The following SIRT2 variants were observed in gnomAD, a reference collection of about 807,000 sequenced individuals.
SIRT2 encodes the protein sirtuin 2.
Under a neutral mutation model 57.4 loss-of-function variants are expected in SIRT2, and 40 were observed. The ratio of observed to expected loss-of-function variants is 0.70; its 90% CI spans 0.54 to 0.91. The LOEUF is 0.91. SIRT2 is among the 40% of genes least tolerant of loss of function. The pLI is 0.00. For missense variants in SIRT2, 439 were observed against 510.4 expected, an observed-to-expected ratio of 0.86 and a Z score of 1.35; for synonymous variants, 161 against 195.7, an observed-to-expected ratio of 0.82 and a Z score of 1.48.
intron 10 of SIRT2, 123 bp from the exon 11 acceptor site, chr19:38,881,278 C>G: frequency 8.6e-7 from 1 of 1,163,510 alleles, no homozygotes; most frequent in Non-Finnish European, 1.2e-6. Flanking sequence ...CGGCCAGGGG[C>G]ACAGACCCCA....
chr19:38,885,839 T>C (rs1307867199), intron 8 of SIRT2, among the ~76,000 whole-genome samples: 2 of 152,128 alleles, frequency 1.3e-5, no homozygotes, highest in African/African-American at 4.8e-5. Flanking sequence ...TCTGCCCACC[T>C]CAGCCTCCCA....
rs1371476601 is a variant in SIRT2 at position 38,883,486 on chromosome 19, G to A, written c.631+141C>T. ...CTGAACTCCCCGCGTGGGCGACAGAGTGAGACTCTGTCTCAAAAACAAACA... is the reference window on the plus strand; with the variant it reads ...CTGAACTCCCCGCGTGGGCGACAGAATGAGACTCTGTCTCAAAAACAAACA... On this transcript the variant is annotated intron_variant, in intron 9 of 15. Coordinates refer to ENST00000249396, the MANE Select transcript of SIRT2 (RefSeq NM_012237.4). 3 of 1,147,254 alleles carry A rather than the reference G, an allele frequency of 2.6e-6. No homozygotes were observed. In the Admixed American group the frequency reaches 6.3e-5, roughly 24 times the overall value. 71.1% of individuals were successfully genotyped at this position (1,147,254 alleles called of 1,614,324 possible). A position where few individuals can be genotyped will look rare whatever the true frequency, so the allele number is the denominator to read the frequency against.
At chr19:38,897,873 C>T (rs1973775109) in intron 2 of SIRT2, among the ~76,000 whole-genome samples, 1 of 151,976 alleles carries the variant, frequency 6.6e-6, no homozygotes, top group Non-Finnish European at 1.5e-5. Flanking sequence ...GGGTCTTGCT[C>T]TTTCACCCCG....
chr19:38,885,369 C>T (rs559013078), intron 8 of SIRT2, among the ~76,000 whole-genome samples: 186 of 151,860 alleles, frequency 1.2e-3, no homozygotes, highest in African/African-American at 4.2e-3. Flanking sequence ...CCTCCCAAAG[C>T]GTTGGGATTA....
chr19:38,894,517 C>T, intron 2 of SIRT2: 1 of 271,258 alleles, frequency 3.7e-6, no homozygotes, highest in Non-Finnish European at 7.3e-6. Flanking sequence ...CTGGCTGTTG[C>T]TGTTATTATC....
chr19:38,879,425 G>A lies in SIRT2; in HGVS notation c.1014+9C>T, dbSNP rs199774784. 3.3e-5 allele frequency: 52 copies of A among 1,589,946 alleles called. 1 individual carries two copies. Among genetic ancestry groups the A allele is most frequent in the South Asian group, 1.8e-4 (16 of 88,074 alleles). On this transcript the variant is annotated intron_variant, in intron 15 of 15. Coordinates refer to ENST00000249396, the MANE Select transcript of SIRT2 (RefSeq NM_012237.4). ...GCTCAGGACAGGCTGGGGTTGCTCA[G>A]CTCCTCACCTTCCATCCAAGGAGCT...
chr19:38,889,001 TG>T, intron 8 of SIRT2, 85 bp downstream of exon 8: 1 of 1,282,398 alleles, frequency 7.8e-7, no homozygotes, highest in Non-Finnish European at 1.1e-6. Context: ...CCTGAGCTCT[TG>T]GGCACGCAGC....
chr19:38,899,135 G>A (rs1259215753), intron 1 of SIRT2, among the ~76,000 whole-genome samples: 1 of 152,116 alleles, frequency 6.6e-6, no homozygotes, highest in Admixed American at 6.6e-5. Context: ...GGAACAAGGG[G>A]AAGCCATAGG....
chr19:38,891,493 G>A (rs865960881), intron 4 of SIRT2, among the ~76,000 whole-genome samples: 5 of 152,160 alleles, frequency 3.3e-5, no homozygotes, highest in African/African-American at 7.2e-5. Flanking sequence ...AGGTTGCAGT[G>A]AGCCATGATA....
At chr19:38,882,387 C>A (rs988028682) in intron 9 of SIRT2, among the ~76,000 whole-genome samples, 4 of 152,254 alleles carry the variant, frequency 2.6e-5, no homozygotes, top group African/African-American at 7.2e-5. Flanking sequence ...GTAATCCCAG[C>A]ACTTTGGGAG....
chr19:38,888,418 C>T (rs536156496), intron 8 of SIRT2, among the ~76,000 whole-genome samples: 65 of 152,246 alleles, frequency 4.3e-4, no homozygotes, highest in African/African-American at 1.2e-3. Flanking sequence ...AGCTATCTCT[C>T]GCTTTGGCCT....
chr19:38,889,582 G>A, intron 7 of SIRT2, 107 bp downstream of exon 7: 1 of 1,280,160 alleles, frequency 7.8e-7, no homozygotes, highest in Non-Finnish European at 1.1e-6. Flanking sequence ...CAGCACCCAT[G>A]TACTTAATGG....
In SIRT2 at chr19:38,883,774, G is replaced by A. The variant is rs200433573; in HGVS notation, c.502-18C>T. ...TCTATGTTCTAGAGGGAGAGATGGA[G>A]GGAAGAGGGGTGAGGAGTGAGCCAC... is the stretch of plus-strand genomic sequence containing the variant. On this transcript the variant is annotated intron_variant, in intron 8 of 15. Transcript: ENST00000249396. The A allele has an allele frequency of 2.5e-6, 4 of 1,613,508 alleles. No homozygotes were observed. The highest frequency in any genetic ancestry group is 3.4e-6 in the Non-Finnish European group (4 of 1,179,586).
At chr19:38,887,521 C>A (rs943165759) in intron 8 of SIRT2, among the ~76,000 whole-genome samples, 50 of 152,220 alleles carry the variant, frequency 3.3e-4, no homozygotes, top group African/African-American at 1.2e-3. Context: ...CCACTTTGGC[C>A]TCCCAAAGTG....
At chr19:38,897,768 C>T (rs1292287919) in intron 2 of SIRT2, among the ~76,000 whole-genome samples, 1 of 152,218 alleles carries the variant, frequency 6.6e-6, no homozygotes, top group East Asian at 1.9e-4. Flanking sequence ...TCAAGCGATC[C>T]TCCTACCTCA....
intron 2 of SIRT2, among the ~76,000 whole-genome samples, chr19:38,896,775 A>G (rs10423257): frequency 0.019 from 2,831 of 152,262 alleles, 95 homozygotes; most frequent in African/African-American, 0.062. Flanking sequence ...TATCCTTAGC[A>G]AAGCTCCACT....
intron 1 of SIRT2, 196 bp from the exon 2 acceptor site, chr19:38,898,621 G>A (rs1973811682): frequency 2.5e-6 from 1 of 402,236 alleles, no homozygotes; most frequent in African/African-American, 2.1e-5. Flanking sequence ...TGCCGGGAGA[G>A]GTGATTAGTG....
At chr19:38,888,956 G>C in intron 8 of SIRT2, 131 bp downstream of exon 8, 1 of 763,762 alleles carries the variant, frequency 1.3e-6, no homozygotes, top group Non-Finnish European at 2.2e-6. Flanking sequence ...GGAGGCAGTA[G>C]GCCAAGCCCT....
Position 38,889,942 on chromosome 19 carries a change from A to G in SIRT2, c.288T>C (p.Phe96=), listed in dbSNP as rs1469719084. Residue 96 remains phenylalanine (F), a synonymous_variant, in exon 6 of 16, where the codon TTT becomes TTC. Coordinates refer to ENST00000249396, the MANE Select transcript of SIRT2 (RefSeq NM_012237.4). ...CATAGAGGCCGGTGGATGGAGAGCGAAAGTCGGGGATGCCTGCGGCTAGGA... is the reference window on the plus strand; with the variant it reads ...CATAGAGGCCGGTGGATGGAGAGCGGAAGTCGGGGATGCCTGCGGCTAGGA... ...GISTSAGIPD[F]RSPSTGLYDN... 4 of 1,614,028 alleles carry G rather than the reference A, an allele frequency of 2.5e-6. No homozygotes were observed. The highest frequency in any genetic ancestry group is 1.7e-5 in the Admixed American group (1 of 60,002).
Sources: allele counts gnomAD v4.1 joint callset (sites outside exome capture counted in the v4.1 genomes callset), GRCh38; gene constraint gnomAD v4.1.1; transcripts MANE v1.5; gene names NCBI Gene and HGNC (gene_info 2026-07-23, HGNC 2026-07-21).